The following HLCS variants were observed in gnomAD, a reference collection of about 807,000 sequenced individuals.
HLCS encodes the protein holocarboxylase synthetase, also known as biotin--protein ligase.
Under a neutral mutation model 75.0 loss-of-function variants are expected in HLCS, and 53 were observed. That is an observed-to-expected ratio of 0.71 (90% CI 0.57 to 0.89). The LOEUF is 0.89. HLCS is among the 40% of genes least tolerant of loss of function. HLCS has a pLI of 0.00. For missense variants in HLCS, 966 were observed against 1,074.0 expected (o/e 0.90, Z 1.41); for synonymous variants, 431 against 428.6 (o/e 1.01, Z -0.07).
rs911960166 is a variant in HLCS at position 36,886,703 on chromosome 21, A to G, written c.1892+10157T>C. Among the ~76,000 whole-genome samples the G allele has an allele frequency of 3.9e-5, 6 of 152,260 alleles. No homozygotes were observed. In the South Asian group the frequency reaches 1.2e-3, roughly 32 times the overall value. On this transcript the variant is annotated intron_variant, in intron 6 of 10. Transcript: ENST00000674895. ...TCATGTGTTGAAATCCCAGCCCCCAATGTGATGGTAATCACTTTTGCAGGT... is the reference window on the plus strand; with the variant it reads ...TCATGTGTTGAAATCCCAGCCCCCAGTGTGATGGTAATCACTTTTGCAGGT...
chr21:36,824,606 C>A (rs1364098636), intron 6 of HLCS, among the ~76,000 whole-genome samples: 1 of 152,152 alleles, frequency 6.6e-6, no homozygotes, highest in Non-Finnish European at 1.5e-5. Context: ...AACAAACAAA[C>A]AAACAAAACT....
Position 36,913,828 on chromosome 21 carries a change from G to T in HLCS, c.1620+16423C>A, listed in dbSNP as rs769271905. On this transcript the variant is annotated intron_variant, in intron 5 of 10. Transcript: ENST00000674895. ...CACTAGCTGTGCCTACTTAGACAAG[G>T]CTGTGAGAGGACACTTTCACAAAGA... is the stretch of plus-strand genomic sequence containing the variant. 7.9e-5 allele frequency among the ~76,000 whole-genome samples: 12 copies of T among 152,260 alleles called. No individual in the cohort carries two copies. The South Asian group carries it at 2.5e-3, about 32-fold the overall frequency.
At chr21:36,955,189 CAGG>C (rs1320718314) in intron 2 of HLCS, among the ~76,000 whole-genome samples, 1 of 152,192 alleles carries the variant, frequency 6.6e-6, no homozygotes, top group African/African-American at 2.4e-5. Flanking sequence ...GAAGACCTTC[CAGG>C]AGGACACATG....
intron 6 of HLCS, among the ~76,000 whole-genome samples, chr21:36,890,976 T>C (rs2064758505): frequency 6.6e-6 from 1 of 152,210 alleles, no homozygotes. Flanking sequence ...TCTTCCAATG[T>C]CTACCAATGT....
At position 36,869,254 on chromosome 21, in the gene HLCS, A is replaced by G. The variant is rs973592810; in HGVS notation, c.1892+27606T>C. Among the ~76,000 whole-genome samples, 19 of 152,150 alleles carry G rather than the reference A, an allele frequency of 1.2e-4. No homozygotes were observed. The East Asian group carries it at 1.5e-3, about 12-fold the overall frequency. On this transcript the variant is annotated intron_variant, in intron 6 of 10. Coordinates refer to ENST00000674895, the MANE Select transcript of HLCS (RefSeq NM_001352514.2). ...ATTCTCCCGCCTCAGCCTCCGGAGT[A>G]GCTGGGACTACAGGCGCCCGCCACC...
intron 6 of HLCS, among the ~76,000 whole-genome samples, chr21:36,772,017 A>C (rs149010910): frequency 1.3e-5 from 2 of 151,914 alleles, no homozygotes; most frequent in Non-Finnish European, 2.9e-5. Context: ...AACAAAAATT[A>C]TTAGGAAATA....
intron 6 of HLCS, among the ~76,000 whole-genome samples, chr21:36,860,527 CTTT>C (rs1181704781): frequency 1.3e-5 from 2 of 152,158 alleles, no homozygotes; most frequent in African/African-American, 4.8e-5. Flanking sequence ...TTAATTATTA[CTTT>C]TAATTGAAAT....
chr21:36,768,442 A>T (rs1056034904), intron 6 of HLCS, among the ~76,000 whole-genome samples: 2 of 152,216 alleles, frequency 1.3e-5, no homozygotes, highest in African/African-American at 4.8e-5. Context: ...GAACTCGGTA[A>T]GAGAAGAAAA....
At chr21:36,926,305 G>A (rs1158800445) in intron 5 of HLCS, among the ~76,000 whole-genome samples, 1 of 152,188 alleles carries the variant, frequency 6.6e-6, no homozygotes, top group Non-Finnish European at 1.5e-5. Context: ...CACCAACTCA[G>A]AGCTCACAGT....
At chr21:36,870,979 ATACAT>A (rs1326613734) in intron 6 of HLCS, among the ~76,000 whole-genome samples, 1 of 152,210 alleles carries the variant, frequency 6.6e-6, no homozygotes, top group Non-Finnish European at 1.5e-5. Context: ...ACATCAGAAT[ATACAT>A]TAATGAGAGT....
chr21:36,775,301 G>A (rs3787750), intron 6 of HLCS, among the ~76,000 whole-genome samples: 3 of 152,172 alleles, frequency 2.0e-5, no homozygotes, highest in African/African-American at 7.2e-5. Flanking sequence ...TCAGAATGAG[G>A]CTCCTTTTTG....
At chr21:36,831,960 G>A (rs1286772917) in intron 6 of HLCS, among the ~76,000 whole-genome samples, 2 of 152,082 alleles carry the variant, frequency 1.3e-5, no homozygotes, top group Admixed American at 6.5e-5. Flanking sequence ...AAGACAAGGA[G>A]CCCAGGACAC....
At chr21:36,981,601 T>C (rs2069123649) in intron 1 of HLCS, among the ~76,000 whole-genome samples, 1 of 152,072 alleles carries the variant, frequency 6.6e-6, no homozygotes, top group African/African-American at 2.4e-5. Flanking sequence ...TGTTTCACCA[T>C]GTTGGCCAGG....
chr21:36,959,611 C>T (rs902378127), intron 2 of HLCS, among the ~76,000 whole-genome samples: 3 of 152,180 alleles, frequency 2.0e-5, no homozygotes, highest in Non-Finnish European at 2.9e-5. Flanking sequence ...TTTTCTGGCC[C>T]GCCCATGGCT....
intron 1 of HLCS, among the ~76,000 whole-genome samples, chr21:36,986,369 C>T (rs1699444075): frequency 6.6e-6 from 1 of 152,222 alleles, no homozygotes; most frequent in South Asian, 2.1e-4. Context: ...ACCCAGTAAG[C>T]GCCCACCTGA....
At chr21:36,931,052 G>A (rs1355574747) in intron 4 of HLCS, among the ~76,000 whole-genome samples, 3 of 152,186 alleles carry the variant, frequency 2.0e-5, no homozygotes, top group African/African-American at 7.2e-5. Context: ...GGGAAGCCAA[G>A]GCGGGCAGAT....
intron 2 of HLCS, chr21:36,947,849 A>G (rs1364289790): frequency 1.0e-6 from 1 of 985,270 alleles, no homozygotes; most frequent in Admixed American, 6.1e-5. Flanking sequence ...TCAACAACCC[A>G]CTGGTACCCA....
rs61394091 is a variant in HLCS at position 36,883,904 on chromosome 21, C to T, written c.1892+12956G>A. On this transcript the variant is annotated intron_variant, in intron 6 of 10. Transcript: ENST00000674895. ...GAAAGAGCAGGCTAGGGGACCCGGC[C>T]ACCCACAGACACCAAGGAGGGTGCT... is the stretch of plus-strand genomic sequence containing the variant. Among the ~76,000 whole-genome samples the T allele has an allele frequency of 9.5e-3, 1,442 of 152,264 alleles. 15 individuals are homozygous for T. Among genetic ancestry groups the T allele is most frequent in the African/African-American group, 0.029 (1,223 of 41,550 alleles).
At position 36,897,055 on chromosome 21, in the gene HLCS, G is replaced by C; in HGVS notation, c.1697C>G (p.Ser566Cys). The C allele has an allele frequency of 4.3e-6, 7 of 1,614,174 alleles. No homozygotes were observed. In the South Asian group the frequency reaches 6.6e-5, roughly 15 times the overall value. Residue 566 changes from serine to cysteine, a missense_variant, in exon 6 of 11, where the codon TCT becomes TGT. Physicochemically the swap from Ser to Cys is moderately radical, Grantham distance 112. Transcript: ENST00000674895. Reference protein sequence around the residue: ...SEGEIKSGQLSLRFVSSYVSE... With the variant: ...SEGEIKSGQLCLRFVSSYVSE... ...CACGTAGGATGAAACAAATCTAAGA[G>C]AGAGCTGGCCGGATTTTATTTCTCC...
Sources: allele counts gnomAD v4.1 joint callset (sites outside exome capture counted in the v4.1 genomes callset), GRCh38; gene constraint gnomAD v4.1.1; transcripts MANE v1.5; gene names NCBI Gene and HGNC (gene_info 2026-07-23, HGNC 2026-07-21).